The following FBN2 variants were observed in gnomAD, a reference collection of about 807,000 sequenced individuals.
The protein encoded by FBN2 is fibrillin 2.
FBN2 carries 105 observed loss-of-function variants against 355.6 expected under a neutral mutation model. That is an observed-to-expected ratio of 0.30 (90% CI 0.25 to 0.35). The LOEUF (loss-of-function observed/expected upper bound fraction) is 0.35. FBN2 is among the 10% of genes least tolerant of loss of function. FBN2 has a pLI of 1.00. For missense variants in FBN2, 3,280 were observed against 3,758.7 expected, an observed-to-expected ratio of 0.87 and a Z score of 3.33; for synonymous variants, 1,350 against 1,301.2, an observed-to-expected ratio of 1.04 and a Z score of -0.81.
chr5:128,394,995 A>C, intron 9 of FBN2, 127 bp downstream of exon 9: 1 of 1,028,640 alleles, frequency 9.7e-7, no homozygotes, highest in Non-Finnish European at 1.5e-6. Flanking sequence ...CATGTTGCCC[A>C]GGCTGGTTTT....
intron 34 of FBN2, among the ~76,000 whole-genome samples, chr5:128,323,234 T>G (rs886886054): frequency 8.5e-5 from 13 of 152,174 alleles, no homozygotes; most frequent in African/African-American, 1.2e-4. Flanking sequence ...CTTTTCCTAT[T>G]TGAATACCCT....
rs776725954 is a variant in FBN2, at chr5:128,337,988, T to A, written c.3598+9A>T. 1 of 1,613,978 alleles carries A rather than the reference T, an allele frequency of 6.2e-7. No homozygotes were observed. Among genetic ancestry groups the A allele is most frequent in the Non-Finnish European group, 8.5e-7 (1 of 1,179,896 alleles). On this transcript the variant is annotated intron_variant, in intron 27 of 64. Transcript: ENST00000262464. ...TGGGCAGGTTTATGTGCTGAGGAGA[T>A]AAACTCACCCACACAGTCCTCACGG...
intron 8 of FBN2, among the ~76,000 whole-genome samples, chr5:128,400,278 T>TA (rs1752763174): frequency 6.6e-6 from 1 of 150,500 alleles, no homozygotes; most frequent in Non-Finnish European, 1.5e-5. Flanking sequence ...GAAAAAAAAA[T>TA]AGAGTCAATA....
rs764102593 is a variant in FBN2, at chr5:128,287,259, T to C, written c.6880+49A>G. On this transcript the variant is annotated intron_variant, in intron 54 of 64. Transcript: ENST00000262464. ...AACTATAAAATCATTAAGATGTATC[T>C]CCAGCATGACAAATAAAGTTCGAAC... 6 of 1,600,686 alleles carry C rather than the reference T, an allele frequency of 3.7e-6. No individual in the cohort carries two copies. In the African/African-American group the frequency reaches 6.7e-5, roughly 18 times the overall value.
chr5:128,465,393 G>A (rs911041824), intron 5 of FBN2, among the ~76,000 whole-genome samples: 1 of 152,152 alleles, frequency 6.6e-6, no homozygotes, highest in African/African-American at 2.4e-5. Flanking sequence ...TCCTTCCTGG[G>A]CCCTGAAGGC....
chr5:128,477,497 TATA>T (rs1755037235), intron 5 of FBN2, among the ~76,000 whole-genome samples: 2 of 152,224 alleles, frequency 1.3e-5, no homozygotes, highest in Admixed American at 6.5e-5. Flanking sequence ...AAGAATCTGC[TATA>T]ATGACTTCTT....
intron 28 of FBN2, 61 bp from the exon 29 acceptor site, chr5:128,335,638 T>C: frequency 1.3e-6 from 2 of 1,597,226 alleles, no homozygotes; most frequent in South Asian, 1.1e-5. Flanking sequence ...AGTTTTCTTC[T>C]TTTTAAACAG....
At chr5:128,424,636 T>A (rs977942000) in intron 7 of FBN2, among the ~76,000 whole-genome samples, 4 of 152,210 alleles carry the variant, frequency 2.6e-5, no homozygotes. Flanking sequence ...TTTGTTATCA[T>A]TAATAGGAAC....
At chr5:128,377,621 T>G (rs1217387277) in intron 13 of FBN2, 131 bp downstream of exon 13, 2 of 985,666 alleles carry the variant, frequency 2.0e-6, no homozygotes, top group Non-Finnish European at 3.2e-6. Context: ...TAAATGCATT[T>G]GCATTTTACC....
At chr5:128,299,909 T>C (rs950215327) in intron 48 of FBN2, among the ~76,000 whole-genome samples, 12 of 112,314 alleles carry the variant, frequency 1.1e-4, no homozygotes, top group African/African-American at 3.5e-4. Flanking sequence ...TTATTATTTT[T>C]TAAGTATTAA....
At chr5:128,422,548 C>A (rs1482567537) in intron 7 of FBN2, among the ~76,000 whole-genome samples, 2 of 152,034 alleles carry the variant, frequency 1.3e-5, no homozygotes, top group South Asian at 4.1e-4. Context: ...GAGATCCCAA[C>A]TAGAAAATGA....
chr5:128,388,407 T>C (rs1752422702), intron 11 of FBN2, among the ~76,000 whole-genome samples: 1 of 152,184 alleles, frequency 6.6e-6, no homozygotes, highest in East Asian at 1.9e-4. Flanking sequence ...TTATACAGAT[T>C]TAATTGTGTA....
chr5:128,459,101 T>C (rs1358275072), intron 6 of FBN2, among the ~76,000 whole-genome samples: 3 of 151,574 alleles, frequency 2.0e-5, no homozygotes, highest in Non-Finnish European at 4.4e-5. Context: ...ATAGACACAA[T>C]AAAAAATGAT....
At chr5:128,292,883 C>T (rs1323956576) in intron 48 of FBN2, among the ~76,000 whole-genome samples, 3 of 152,152 alleles carry the variant, frequency 2.0e-5, no homozygotes, top group Admixed American at 6.5e-5. Context: ...TAACCTCCTG[C>T]GGTGCTCCCA....
intron 5 of FBN2, among the ~76,000 whole-genome samples, chr5:128,487,434 T>C (rs1177340255): frequency 2.0e-5 from 3 of 152,222 alleles, no homozygotes; most frequent in African/African-American, 7.2e-5. Flanking sequence ...AGGGTCTCTC[T>C]TTAGAGTGAA....
intron 59 of FBN2, among the ~76,000 whole-genome samples, 161 bp from the exon 60 acceptor site, chr5:128,274,844 T>C (rs896973617): frequency 1.3e-5 from 2 of 152,194 alleles, no homozygotes; most frequent in South Asian, 2.1e-4. Flanking sequence ...AAACAGTTTC[T>C]TTTTACATAT....
chr5:128,386,891 T>TA (rs1752379879), intron 11 of FBN2, among the ~76,000 whole-genome samples: 1 of 152,154 alleles, frequency 6.6e-6, no homozygotes, highest in Admixed American at 6.5e-5. Flanking sequence ...GATATTGGCC[T>TA]AAAGTTTTCT....
At chr5:128,486,331 C>T (rs1299488173) in intron 5 of FBN2, among the ~76,000 whole-genome samples, 1 of 152,128 alleles carries the variant, frequency 6.6e-6, no homozygotes, top group Non-Finnish European at 1.5e-5. Flanking sequence ...CACAATATGA[C>T]AAACTTCCAC....
intron 23 of FBN2, 75 bp downstream of exon 23, chr5:128,349,272 T>C (rs1751279332): frequency 1.3e-6 from 2 of 1,569,514 alleles, no homozygotes; most frequent in East Asian, 2.2e-5. Context: ...CTTGTGGTTT[T>C]GGACTAGCCA....
Sources: allele counts gnomAD v4.1 joint callset (sites outside exome capture counted in the v4.1 genomes callset), GRCh38; gene constraint gnomAD v4.1.1; transcripts MANE v1.5; gene names NCBI Gene and HGNC (gene_info 2026-07-23, HGNC 2026-07-21).